DLG2: variants seen among roughly 807,000 people sequenced by gnomAD.
DLG2 encodes the protein discs large MAGUK scaffold protein 2, also known as disks large homolog 2.
DLG2 carries 45 observed loss-of-function variants against 132.5 expected under a neutral mutation model. That is an observed-to-expected ratio of 0.34 (90% CI 0.27 to 0.44). DLG2 has a LOEUF of 0.44. DLG2 is among the 20% of genes least tolerant of loss of function. The pLI, the probability that DLG2 is intolerant of heterozygous loss-of-function variation, is 1.00. For missense variants in DLG2, 1,045 were observed against 1,196.9 expected (o/e 0.87, Z 1.87); for synonymous variants, 424 against 419.6 (o/e 1.01, Z -0.13).
intron 4 of DLG2, among the ~76,000 whole-genome samples, chr11:85,159,438 T>C (rs917683115): frequency 6.6e-6 from 1 of 152,164 alleles, no homozygotes; most frequent in Non-Finnish European, 1.5e-5. Context: ...AGAAAAACAG[T>C]AAATCAAAAA....
chr11:84,027,305 CTACTAACTCATGTTTGA>C (rs1303387194), intron 11 of DLG2, among the ~76,000 whole-genome samples: 2 of 152,066 alleles, frequency 1.3e-5, no homozygotes, highest in Non-Finnish European at 2.9e-5. Flanking sequence ...GTTTTGGCAA[CTACTAACTCATGTTTGA>C]TTTGTGCATA....
chr11:84,552,746 C>A (rs1363102358), intron 6 of DLG2, among the ~76,000 whole-genome samples: 1 of 152,246 alleles, frequency 6.6e-6, no homozygotes, highest in Non-Finnish European at 1.5e-5. Context: ...TGAATATTAG[C>A]CACCTAGTAA....
intron 18 of DLG2, among the ~76,000 whole-genome samples, chr11:83,763,332 C>T (rs1385835621): frequency 3.3e-5 from 5 of 152,134 alleles, no homozygotes; most frequent in African/African-American, 1.2e-4. Context: ...TCCTCCCACC[C>T]TCCACCATCA....
chr11:83,541,885 T>A (rs779486836), intron 19 of DLG2, 27 bp from the exon 20 acceptor site: 1 of 1,564,698 alleles, frequency 6.4e-7, no homozygotes, highest in Non-Finnish European at 8.7e-7. Context: ...AAGAGGACAT[T>A]GTTAGGAATC....
Position 85,156,288 on chromosome 11 carries a change from T to C in DLG2, c.187-1637A>G, listed in dbSNP as rs183153775. Among the ~76,000 whole-genome samples, 263 of 152,336 alleles carry C rather than the reference T, an allele frequency of 1.7e-3. 1 individual carries two copies. Among genetic ancestry groups the C allele is most frequent in the African/African-American group, 6.2e-3 (258 of 41,586 alleles). ...GTGTCTACATGTATGTGTTTATGTA[T>C]GTTTATCTGTCCCATTAGAGTATCT... On this transcript the variant is annotated intron_variant, in intron 4 of 27. Coordinates refer to ENST00000376104, the MANE Select transcript of DLG2 (RefSeq NM_001142699.3).
rs1305260012 is a variant in DLG2 at position 84,406,922 on chromosome 11, CAG to C, written c.519+127646_519+127647del. ...GGTGAGAGAGGGAAAAGGAGACTGT[CAG>C]TCAGTTTTCAAAGATGGGCAGCTCA... On this transcript the variant is annotated intron_variant, in intron 7 of 27. Transcript: ENST00000376104. Among the ~76,000 whole-genome samples, 21 of 152,090 alleles carry C rather than the reference CAG, an allele frequency of 1.4e-4. 1 individual carries two copies. The highest frequency in any genetic ancestry group is 1.2e-3 in the Admixed American group (18 of 15,278).
At chr11:83,548,095 T>A (rs1003639825) in intron 19 of DLG2, among the ~76,000 whole-genome samples, 2 of 152,148 alleles carry the variant, frequency 1.3e-5, no homozygotes, top group East Asian at 1.9e-4. Flanking sequence ...AGGAAAGGGA[T>A]CCTGGTTACA....
chr11:83,490,941 T>G (rs2093805982), intron 21 of DLG2, among the ~76,000 whole-genome samples: 1 of 152,002 alleles, frequency 6.6e-6, no homozygotes, highest in African/African-American at 2.4e-5. Context: ...TATACCAACA[T>G]GAGTTGGTAA....
At chr11:85,588,077 A>G (rs1218412871) in intron 3 of DLG2, among the ~76,000 whole-genome samples, 2 of 152,160 alleles carry the variant, frequency 1.3e-5, no homozygotes, top group Non-Finnish European at 2.9e-5. Context: ...TGTTAATCTG[A>G]TAGGTTTTCC....
rs1473862627 is a variant in DLG2 at position 84,797,035 on chromosome 11, C to T, written c.358-262304G>A. On this transcript the variant is annotated intron_variant, in intron 6 of 27. Coordinates refer to ENST00000376104, the MANE Select transcript of DLG2 (RefSeq NM_001142699.3). ...TAATTTTTTCTATTTTTAGTAGAGACGGGGTTTCTCCATGTTGGTCAGGCT... is the reference window on the plus strand; with the variant it reads ...TAATTTTTTCTATTTTTAGTAGAGATGGGGTTTCTCCATGTTGGTCAGGCT... Among the ~76,000 whole-genome samples the T allele has an allele frequency of 3.3e-5, 5 of 151,930 alleles. No individual in the cohort carries two copies. The East Asian group carries it at 7.8e-4, about 24-fold the overall frequency.
intron 4 of DLG2, among the ~76,000 whole-genome samples, chr11:85,196,622 C>T (rs1347628941): frequency 2.0e-5 from 3 of 152,178 alleles, no homozygotes; most frequent in Non-Finnish European, 4.4e-5. Context: ...TACAAGTTGG[C>T]CTTAGCACAC....
At chr11:84,197,026 G>T (rs113895602) in intron 8 of DLG2, among the ~76,000 whole-genome samples, 3 of 106,402 alleles carry the variant, frequency 2.8e-5, no homozygotes, top group African/African-American at 3.7e-5. Context: ...AACAGAGTGC[G>T]ACTCTTTCTC....
chr11:84,864,872 T>C (rs568605103), intron 6 of DLG2, among the ~76,000 whole-genome samples: 1 of 152,246 alleles, frequency 6.6e-6, no homozygotes, highest in South Asian at 2.1e-4. Context: ...GAAAGGACAG[T>C]ATTTTTAGGT....
chr11:84,030,112 G>C (rs10792707), intron 11 of DLG2, among the ~76,000 whole-genome samples: 98,091 of 151,606 alleles, frequency 0.65, 34,011 homozygotes, highest in Non-Finnish European at 0.78. Context: ...TGAGTGTTTT[G>C]AGGACAGAGA....
At chr11:83,786,307 G>A (rs1384616471) in intron 18 of DLG2, 2 of 174,820 alleles carry the variant, frequency 1.1e-5, no homozygotes, top group Admixed American at 5.5e-5. Flanking sequence ...ATGCCATGAG[G>A]AGAGAATATG....
At chr11:83,722,737 A>G (rs141101953) in intron 18 of DLG2, among the ~76,000 whole-genome samples, 1 of 152,290 alleles carries the variant, frequency 6.6e-6, no homozygotes, top group Non-Finnish European at 1.5e-5. Context: ...AGGTGAATAA[A>G]CTTTCTTAAA....
chr11:83,579,173 G>A lies in DLG2; in HGVS notation c.1941-37315C>T, dbSNP rs145516482. Reference sequence around the variant, plus strand: ...CAACTGAAGCAATGTGTTGTGGTAAGCAAAATTCTTAATGTAAGATATTTG... The same window carrying A: ...CAACTGAAGCAATGTGTTGTGGTAAACAAAATTCTTAATGTAAGATATTTG... On this transcript the variant is annotated intron_variant, in intron 19 of 27. Transcript: ENST00000376104. 3.2e-3 allele frequency among the ~76,000 whole-genome samples: 491 copies of A among 152,220 alleles called. 1 individual carries two copies. The highest frequency in any genetic ancestry group is 4.8e-3 in the Non-Finnish European group (328 of 68,022).
intron 4 of DLG2, among the ~76,000 whole-genome samples, chr11:85,164,978 T>C (rs1467215201): frequency 6.6e-6 from 1 of 152,158 alleles, no homozygotes. Context: ...TTCAACCTAC[T>C]GAATCAAACC....
chr11:83,600,924 G>A (rs2058433937), intron 19 of DLG2, among the ~76,000 whole-genome samples: 1 of 152,200 alleles, frequency 6.6e-6, no homozygotes, highest in Admixed American at 6.5e-5. Flanking sequence ...CGAGTGCAAT[G>A]ATAAACAATG....
Sources: gnomAD v4.1 joint callset for allele counts (sites outside exome capture counted in the v4.1 genomes callset) on GRCh38, gnomAD v4.1.1 for gene constraint, MANE v1.5 for transcripts, NCBI Gene and HGNC (gene_info 2026-07-23, HGNC 2026-07-21) for gene names.